Variants in FN1 observed in about 807,000 individuals in gnomAD.
FN1 encodes the protein fibronectin.
FN1 carries 106 observed loss-of-function variants against 297.3 expected under a neutral mutation model. The ratio of observed to expected loss-of-function variants is 0.36; its 90% CI spans 0.30 to 0.42. The LOEUF (loss-of-function observed/expected upper bound fraction) is 0.42, where lower values mean the gene tolerates loss of function less well. FN1 is among the 10% of genes least tolerant of loss of function. FN1 has a pLI of 1.00. For missense variants in FN1, 2,690 were observed against 3,124.9 expected, an observed-to-expected ratio of 0.86 and a Z score of 3.32; for synonymous variants, 1,149 against 1,152.6, an observed-to-expected ratio of 1.00 and a Z score of 0.06.
intron 40 of FN1, 60 bp from the exon 41 acceptor site, chr2:215,370,492 C>T (rs946810996): frequency 3.6e-5 from 52 of 1,428,158 alleles, no homozygotes; most frequent in Middle Eastern, 1.8e-4. Context: ...ATGACACGGG[C>T]TCTCCTCTTA....
rs114199884 is a variant in FN1, at chr2:215,370,265, C to T, written c.6853+29G>A. ...TCTCTGGTGTACAGCAGAGGGGAGCCTGTGTCTAAATAGTACGTGTTTACA... is the reference window on the plus strand; with the variant it reads ...TCTCTGGTGTACAGCAGAGGGGAGCTTGTGTCTAAATAGTACGTGTTTACA... On this transcript the variant is annotated intron_variant, in intron 41 of 45. Transcript: ENST00000354785. 2,985 of 1,612,522 alleles carry T rather than the reference C, an allele frequency of 1.9e-3. 37 individuals are homozygous for T. In the African/African-American group the frequency reaches 0.031, roughly 17 times the overall value.
intron 5 of FN1, among the ~76,000 whole-genome samples, chr2:215,429,181 T>C (rs995841989): frequency 2.0e-5 from 3 of 152,194 alleles, no homozygotes; most frequent in Non-Finnish European, 2.9e-5. Flanking sequence ...ATGTAGAGGA[T>C]GCACAATTTC....
At chr2:215,427,707 G>A (rs887342050) in intron 6 of FN1, among the ~76,000 whole-genome samples, 4 of 152,192 alleles carry the variant, frequency 2.6e-5, no homozygotes, top group East Asian at 1.9e-4. Context: ...GTTCAATGTC[G>A]GGACAGGGAA....
In FN1 at chr2:215,385,283, C is replaced by T. The variant is rs191075275; in HGVS notation, c.4613-307G>A. ...AAAAAAAAAAAAAGTGATACAAGGC[C>T]GGGCGTGGTGGCTCACGCCTGTAAT... On this transcript the variant is annotated intron_variant, in intron 28 of 45. Coordinates refer to ENST00000354785, the MANE Select transcript of FN1 (RefSeq NM_212482.4). Among the ~76,000 whole-genome samples, 2,395 of 148,416 alleles carry T rather than the reference C, an allele frequency of 0.016. 68 individuals are homozygous for T. Among genetic ancestry groups the T allele is most frequent in the African/African-American group, 0.056 (2,264 of 40,466 alleles).
intron 4 of FN1, among the ~76,000 whole-genome samples, chr2:215,431,208 A>G (rs1205837117): frequency 6.6e-6 from 1 of 152,246 alleles, no homozygotes; most frequent in African/African-American, 2.4e-5. Flanking sequence ...ATAAATGACC[A>G]ATTATGAATT....
intron 28 of FN1, among the ~76,000 whole-genome samples, chr2:215,385,489 G>A (rs1235385640): frequency 6.6e-6 from 1 of 151,110 alleles, no homozygotes; most frequent in Non-Finnish European, 1.5e-5. Context: ...TCGAGCCTGG[G>A]AGGCAGAGGT....
At position 215,391,737 on chromosome 2, in the gene FN1, A is replaced by T; in HGVS notation, c.4147T>A (p.Ser1383Thr). 1.9e-6 allele frequency: 3 copies of T among 1,614,168 alleles called. No homozygotes were observed. The highest frequency in any genetic ancestry group is 2.5e-6 in the Non-Finnish European group (3 of 1,180,012). ...TMRVTWAPPPSIDLTNFLVRY... is the reference protein window; with the variant it reads ...TMRVTWAPPPTIDLTNFLVRY... Reference sequence around the variant, plus strand: ...ACCAGGAAGTTGGTTAAATCAATGGATGGGGGTGGAGCCCAGGTGACACGC... The same window carrying T: ...ACCAGGAAGTTGGTTAAATCAATGGTTGGGGGTGGAGCCCAGGTGACACGC... Residue 1383 changes from serine to threonine, a missense_variant, in exon 26 of 46, where the codon TCC becomes ACC. Around this residue, in one of 3 missense-constraint regions of FN1, gnomAD observed 1,743 missense variants for 1,945.2 expected, o/e 0.90. Coordinates refer to ENST00000354785, the MANE Select transcript of FN1 (RefSeq NM_212482.4).
chr2:215,414,101 T>C (rs2063087559), intron 13 of FN1, among the ~76,000 whole-genome samples: 1 of 152,252 alleles, frequency 6.6e-6, no homozygotes, highest in South Asian at 2.1e-4. Context: ...AGCTATGATT[T>C]AAAATGGACA....
intron 23 of FN1, among the ~76,000 whole-genome samples, chr2:215,396,649 T>C (rs1372409622): frequency 1.3e-5 from 2 of 152,222 alleles, no homozygotes; most frequent in Non-Finnish European, 2.9e-5. Flanking sequence ...GCCAATTTTT[T>C]CTAAGTCTCA....
chr2:215,364,506 G>C (rs975830380), intron 44 of FN1: 2 of 328,000 alleles, frequency 6.1e-6, no homozygotes, highest in South Asian at 3.0e-5. Flanking sequence ...TAATTAATTT[G>C]AATAGTATCT....
At chr2:215,402,353 G>T (rs1164370350) in intron 20 of FN1, among the ~76,000 whole-genome samples, 1 of 152,162 alleles carries the variant, frequency 6.6e-6, no homozygotes, top group East Asian at 1.9e-4. Flanking sequence ...TCTTGTTAGG[G>T]AAGAACAGCC....
At chr2:215,405,450 G>A (rs1024114509) in intron 19 of FN1, among the ~76,000 whole-genome samples, 1 of 152,134 alleles carries the variant, frequency 6.6e-6, no homozygotes, top group East Asian at 1.9e-4. Context: ...ACGGATACTA[G>A]TAAGACCTTC....
chr2:215,414,575 T>G, intron 13 of FN1: 1 of 672,828 alleles, frequency 1.5e-6, no homozygotes, highest in Non-Finnish European at 2.1e-6. Context: ...CAAAAAAGAT[T>G]TCTGTAACAT....
intron 35 of FN1, among the ~76,000 whole-genome samples, 192 bp downstream of exon 35, chr2:215,377,982 AT>A (rs1053051460): frequency 1.3e-5 from 2 of 151,734 alleles, no homozygotes; most frequent in African/African-American, 2.4e-5. Context: ...TATTTATTTT[AT>A]TTTTTTTAAG....
In FN1 at chr2:215,361,643, A is replaced by AG. The variant is rs1342865454; in HGVS notation, c.7363-18dup. ...ATTAACATTCTGTTAAAAAGGAAGA[A>AG]GGAAAAAAAAATTAGTGGCAAATAC... is the stretch of plus-strand genomic sequence containing the variant. On this transcript the variant is annotated splice_polypyrimidine_tract_variant and intron_variant, in intron 45 of 45. Transcript: ENST00000354785. 5.6e-6 allele frequency: 9 copies of AG among 1,596,166 alleles called. No individual in the cohort carries two copies. Among genetic ancestry groups the AG allele is most frequent in the Non-Finnish European group, 7.7e-6 (9 of 1,163,618 alleles).
chr2:215,384,462 A>G, intron 29 of FN1: 1 of 486,628 alleles, frequency 2.1e-6, no homozygotes, highest in Non-Finnish European at 3.7e-6. Flanking sequence ...GGGAGAAGGT[A>G]AGCCCTCAAC....
At chr2:215,394,331 C>G (rs773024352) in intron 24 of FN1, among the ~76,000 whole-genome samples, 197 bp downstream of exon 24, 1 of 152,220 alleles carries the variant, frequency 6.6e-6, no homozygotes, top group Non-Finnish European at 1.5e-5. Flanking sequence ...CAGTGAAGCA[C>G]AGACAGTAAA....
In FN1 at chr2:215,419,363, A is replaced by C. The variant is rs776760074; in HGVS notation, c.1698T>G (p.Thr566=). ...DPVDQCQDSE[T]GTFYQIGDSW... is the part of the protein sequence containing the mutation. ...AATCTCCAATTTGATAAAACGTCCC[A>C]GTCTCTGAATCCTGGCATTGGTCTA... is the stretch of plus-strand genomic sequence containing the variant. Residue 566 remains threonine (T), a synonymous_variant, in exon 12 of 46, where the codon ACT becomes ACG. Coordinates refer to ENST00000354785, the MANE Select transcript of FN1 (RefSeq NM_212482.4). 1.2e-6 allele frequency: 2 copies of C among 1,613,438 alleles called. No homozygotes were observed. The highest frequency in any genetic ancestry group is 2.2e-5 in the South Asian group (2 of 91,068).
In FN1 at chr2:215,373,399, C is replaced by A. The variant is rs779541074; in HGVS notation, c.6170G>T (p.Gly2057Val). 3.1e-6 allele frequency: 5 copies of A among 1,612,922 alleles called. No individual in the cohort carries two copies. The East Asian group carries it at 1.1e-4, about 36-fold the overall frequency. ...TEATITGLEP[G>V]TEYTIYVIAL... ...AATGACATAAATTGTATATTCGGTT[C>A]CCGGTTCCAGGCCTGAAGGGAGAAT... is the stretch of plus-strand genomic sequence containing the variant. The change falls in exon 39 of 46, where the codon GGA (glycine) becomes GTA (valine). Residue 2057 changes from glycine (G) to valine (V), a missense_variant. Gly to Val is a moderately radical substitution (Grantham distance 109). Coordinates refer to ENST00000354785, the MANE Select transcript of FN1 (RefSeq NM_212482.4).
Sources: gnomAD v4.1 joint callset for allele counts (sites outside exome capture counted in the v4.1 genomes callset) on GRCh38, gnomAD v4.1.1 for gene constraint, gnomAD v4.1.1 regional missense constraint, MANE v1.5 for transcripts, NCBI Gene and HGNC (gene_info 2026-07-23, HGNC 2026-07-21) for gene names.